Variants in EDNRB observed in about 807,000 individuals in gnomAD.
EDNRB encodes Hirschsprung disease 2.
Under a neutral mutation model 46.4 loss-of-function variants are expected in EDNRB, and 18 were observed. The observed-to-expected ratio is 0.39, with a 90% CI of 0.27 to 0.57. EDNRB has a LOEUF of 0.57. Among genes scored for constraint, EDNRB ranks in the 20% least tolerant of loss-of-function variants. The probability of loss-of-function intolerance (pLI) is 0.61; values close to 1 mark genes in which losing one functional copy is unlikely to be tolerated. For synonymous variants in EDNRB, 213 were observed against 204.9 expected, an observed-to-expected ratio of 1.04 and a Z score of -0.34; for missense variants, 434 against 537.5, an observed-to-expected ratio of 0.81 and a Z score of 1.90.
At chr13:77,914,650 C>T (rs1879724873) in intron 1 of EDNRB, among the ~76,000 whole-genome samples, 1 of 152,164 alleles carries the variant, frequency 6.6e-6, no homozygotes, top group African/African-American at 2.4e-5. Context: ...CAGGATTTCA[C>T]CCACAACACA....
intron 1 of EDNRB, among the ~76,000 whole-genome samples, chr13:77,904,773 T>C (rs1460476197): frequency 1.3e-5 from 2 of 152,006 alleles, no homozygotes; most frequent in African/African-American, 4.8e-5. Context: ...GGATCAAATG[T>C]TCATGAGGTT....
rs1012035446 is a variant in EDNRB at position 77,918,652 on chromosome 13, G to C, written c.-79C>G. ...AGAGACAAGCAGAGGAAGGAAGACAGGACACTTGGGTCAGCTGCCCGAGCC... is the reference window on the plus strand; with the variant it reads ...AGAGACAAGCAGAGGAAGGAAGACACGACACTTGGGTCAGCTGCCCGAGCC... On this transcript the variant is annotated 5_prime_UTR_variant, in exon 1 of 7. Transcript: ENST00000646607. This position sits in a 1 kb window ranked among gnomAD's most constrained non-coding sequence, Gnocchi z 4.5. 6.7e-7 allele frequency: 1 copy of C among 1,489,858 alleles called. No individual in the cohort carries two copies. Among genetic ancestry groups the C allele is most frequent in the Non-Finnish European group, 8.8e-7 (1 of 1,130,578 alleles). 92.3% of individuals were successfully genotyped at this position (1,489,858 alleles called of 1,614,324 possible). A position where few individuals can be genotyped will look rare whatever the true frequency, so the allele number is the denominator to read the frequency against.
intron 4 of EDNRB, 73 bp downstream of exon 4, chr13:77,900,979 TATCATC>T: frequency 6.5e-7 from 1 of 1,532,674 alleles, no homozygotes; most frequent in African/African-American, 1.4e-5. Context: ...AATGTTAGTT[TATCATC>T]ATCATCATCA....
At chr13:77,940,297 A>G (rs1880705860) in intron 1 of EDNRB, among the ~76,000 whole-genome samples, 1 of 150,096 alleles carries the variant, frequency 6.7e-6, no homozygotes, top group South Asian at 2.1e-4. Flanking sequence ...TAAAAGAGGA[A>G]ATGGTTAAAT....
At chr13:77,939,976 C>T (rs973076283) in intron 1 of EDNRB, 4 of 150,216 alleles carry the variant, frequency 2.7e-5, no homozygotes, top group African/African-American at 7.4e-5. Context: ...AGCCTGGCAA[C>T]AGAGTGAGAC....
intron 1 of EDNRB, among the ~76,000 whole-genome samples, chr13:77,962,488 T>C (rs1881453320): frequency 6.6e-6 from 1 of 152,104 alleles, no homozygotes; most frequent in Admixed American, 6.6e-5. Context: ...ATAAATGTAA[T>C]CCAGCATATA....
upstream of EDNRB, chr13:77,919,475 G>A (rs748090380): frequency 6.2e-7 from 1 of 1,612,856 alleles, no homozygotes; most frequent in South Asian, 1.1e-5. Flanking sequence ...CTGGGTTCCA[G>A]CCTGCTCTGG....
At chr13:77,960,480 G>C (rs1007358374) in intron 1 of EDNRB, among the ~76,000 whole-genome samples, 2 of 152,066 alleles carry the variant, frequency 1.3e-5, no homozygotes, top group Non-Finnish European at 2.9e-5. Context: ...TTACAGACAA[G>C]CAAATTCGGA....
In EDNRB at chr13:77,897,395, G is replaced by GATA; in HGVS notation, c.*802_*804dup. ...TGACAGATTCAAAAAAGTCTTTTGGGATAGCCTTTCAAACATTCTATTTCT... is the reference window on the plus strand; with the variant it reads ...TGACAGATTCAAAAAAGTCTTTTGGGATAATAGCCTTTCAAACATTCTATTTCT... On this transcript the variant is annotated 3_prime_UTR_variant, in exon 7 of 7. Coordinates refer to ENST00000646607, the MANE Select transcript of EDNRB (RefSeq NM_001122659.3). 1.0e-6 allele frequency: 1 copy of GATA among 985,232 alleles called. No homozygotes were observed. The highest frequency in any genetic ancestry group is 1.2e-6 in the Non-Finnish European group (1 of 829,830). The allele number at this position is 985,232 out of a possible 1,614,324, so 61.0% of individuals were successfully genotyped here.
chr13:77,925,654 T>C (rs1156426135), intron 1 of EDNRB, among the ~76,000 whole-genome samples: 1 of 152,208 alleles, frequency 6.6e-6, no homozygotes, highest in East Asian at 1.9e-4. Flanking sequence ...GGCAAAAGTT[T>C]GCTGCAGGGG....
At chr13:77,919,453 G>A (rs767601592), upstream of EDNRB, 9 of 1,612,672 alleles carry the variant, frequency 5.6e-6, no homozygotes, top group South Asian at 9.9e-5. Context: ...CTTCCCGGGA[G>A]GCGGAACCCA....
chr13:77,906,138 G>A (rs189377025), intron 1 of EDNRB, among the ~76,000 whole-genome samples: 2 of 151,842 alleles, frequency 1.3e-5, no homozygotes, highest in African/African-American at 2.4e-5. Flanking sequence ...TTGCTGATGG[G>A]TTGGACACAT....
chr13:77,943,586 G>A (rs1309751298), intron 1 of EDNRB, among the ~76,000 whole-genome samples: 1 of 152,052 alleles, frequency 6.6e-6, no homozygotes, highest in Non-Finnish European at 1.5e-5. Context: ...ATTCAGCTAG[G>A]TATGCTGTAC....
intron 4 of EDNRB, 150 bp downstream of exon 4, chr13:77,900,908 A>T: frequency 1.0e-6 from 1 of 971,420 alleles, no homozygotes. Context: ...ATATAAAAAT[A>T]TTCTTTATCT....
chr13:77,933,431 T>C (rs1880460734), intron 1 of EDNRB, among the ~76,000 whole-genome samples: 1 of 152,120 alleles, frequency 6.6e-6, no homozygotes, highest in Non-Finnish European at 1.5e-5. Flanking sequence ...GGTCACAAGG[T>C]GCTCAGTAGG....
At position 77,918,044 on chromosome 13, in the gene EDNRB, A is replaced by G; in HGVS notation, c.483+47T>C. 6.2e-7 allele frequency: 1 copy of G among 1,613,018 alleles called. No individual in the cohort carries two copies. The highest frequency in any genetic ancestry group is 1.1e-5 in the South Asian group (1 of 90,978). Reference sequence around the variant, plus strand: ...CTTTCTCATCTCCCCGTCTCCAACCAGGCCCCCTTCCTCAAGCCCACCATG... The same window carrying G: ...CTTTCTCATCTCCCCGTCTCCAACCGGGCCCCCTTCCTCAAGCCCACCATG... On this transcript the variant is annotated intron_variant, in intron 1 of 6. Coordinates refer to ENST00000646607, the MANE Select transcript of EDNRB (RefSeq NM_001122659.3). This position sits in a 1 kb window ranked among gnomAD's most constrained non-coding sequence, Gnocchi z 4.5.
Position 77,897,862 on chromosome 13 carries a change from T to C in EDNRB, c.*338A>G. ...CCATTGATTTAAAAATAAATCTCTTTTTAGAAAGAATAGAAATTCTGAGTG... is the reference window on the plus strand; with the variant it reads ...CCATTGATTTAAAAATAAATCTCTTCTTAGAAAGAATAGAAATTCTGAGTG... On this transcript the variant is annotated 3_prime_UTR_variant, in exon 7 of 7. Coordinates refer to ENST00000646607, the MANE Select transcript of EDNRB (RefSeq NM_001122659.3). 9.7e-7 allele frequency: 1 copy of C among 1,029,012 alleles called. No homozygotes were observed. Among genetic ancestry groups the C allele is most frequent in the Non-Finnish European group, 1.2e-6 (1 of 856,872 alleles). The allele number at this position is 1,029,012 out of a possible 1,614,324, so 63.7% of individuals were successfully genotyped here.
intron 1 of EDNRB, among the ~76,000 whole-genome samples, chr13:77,906,118 C>A (rs1468393167): frequency 6.6e-6 from 1 of 151,852 alleles, no homozygotes; most frequent in Non-Finnish European, 1.5e-5. Flanking sequence ...GTAGAGGTAG[C>A]TAGCAGGACT....
chr13:77,962,808 A>G (rs559165300), intron 1 of EDNRB, among the ~76,000 whole-genome samples: 9 of 152,322 alleles, frequency 5.9e-5, no homozygotes, highest in East Asian at 1.9e-4. Flanking sequence ...AGGGTATTCA[A>G]TTAAGAAAAG....
Sources: allele counts gnomAD v4.1 joint callset (sites outside exome capture counted in the v4.1 genomes callset), GRCh38; gene constraint gnomAD v4.1.1; non-coding constraint Gnocchi (gnomAD v3.1); transcripts MANE v1.5; gene names NCBI Gene and HGNC (gene_info 2026-07-23, HGNC 2026-07-21).